Variants in RERE observed in about 807,000 individuals in gnomAD.
RERE encodes the protein arginine-glutamic acid dipeptide repeats protein.
In RERE, 40 loss-of-function variants were observed where a neutral mutation model predicts 146.1. The ratio of observed to expected loss-of-function variants is 0.27; its 90% CI spans 0.21 to 0.36. The LOEUF (loss-of-function observed/expected upper bound fraction) is 0.36. Among genes scored for constraint, RERE ranks in the 10% least tolerant of loss-of-function variants. The pLI is 1.00. For synonymous variants in RERE, 1,003 were observed against 866.0 expected (o/e 1.16, Z -2.78); for missense variants, 1,933 against 2,138.7 (o/e 0.90, Z 1.90).
At chr1:8,611,284 A>G (rs1033193851) in intron 4 of RERE, among the ~76,000 whole-genome samples, 26 of 152,122 alleles carry the variant, frequency 1.7e-4, no homozygotes, top group Non-Finnish European at 3.7e-4. Flanking sequence ...TGAGAGGATC[A>G]CTTGAGGTCA....
chr1:8,540,834 C>T (rs1457308745), intron 7 of RERE, among the ~76,000 whole-genome samples: 1 of 152,124 alleles, frequency 6.6e-6, no homozygotes, highest in East Asian at 1.9e-4. Flanking sequence ...TCCAAAATTA[C>T]TTAGTCTTTT....
chr1:8,499,564 G>A (rs759634223), intron 8 of RERE, among the ~76,000 whole-genome samples: 2 of 152,222 alleles, frequency 1.3e-5, no homozygotes, highest in African/African-American at 2.4e-5. Flanking sequence ...TTATGTAAAA[G>A]TTTGTGGTTT....
At chr1:8,658,377 C>T (rs1638374293) in intron 1 of RERE, among the ~76,000 whole-genome samples, 1 of 152,150 alleles carries the variant, frequency 6.6e-6, no homozygotes, top group African/African-American at 2.4e-5. Context: ...GGAAACAGTG[C>T]ATATAAACAA....
intron 7 of RERE, among the ~76,000 whole-genome samples, chr1:8,513,636 C>T (rs112158295): frequency 1.8e-4 from 27 of 152,030 alleles, no homozygotes; most frequent in Non-Finnish European, 3.1e-4. Context: ...AAAAATTAGC[C>T]GGGTGTGGTG....
intron 7 of RERE, among the ~76,000 whole-genome samples, chr1:8,540,234 C>G (rs909148959): frequency 1.3e-5 from 2 of 152,046 alleles, no homozygotes; most frequent in Non-Finnish European, 2.9e-5. Flanking sequence ...TACCTGGGAC[C>G]ACAGGTGCAG....
Position 8,607,534 on chromosome 1 carries a change from C to CTTTTTTTTTTTTTTTTTTTTTTTTTTTTT in RERE, c.522+6998_522+7026dup, listed in dbSNP as rs1167501074. Among the ~76,000 whole-genome samples, 16 of 48,586 alleles carry CTTTTTTTTTTTTTTTTTTTTTTTTTTTTT rather than the reference C, an allele frequency of 3.3e-4. 5 individuals carry two copies. The highest frequency in any genetic ancestry group is 3.8e-4 in the Non-Finnish European group (11 of 28,764). 31.9% of individuals were successfully genotyped at this position (48,586 alleles called of 152,430 possible). ...CGCATATTTGTTTTTATATATATTT[C>CTTTTTTTTTTTTTTTTTTTTTTTTTTTTT]TTTTTTTTTTTTTTTTTTTTTTTTT... On this transcript the variant is annotated intron_variant, in intron 4 of 22. Coordinates refer to ENST00000400908, the MANE Select transcript of RERE (RefSeq NM_001042681.2).
intron 4 of RERE, among the ~76,000 whole-genome samples, chr1:8,608,495 C>A (rs1022441914): frequency 6.6e-6 from 1 of 152,016 alleles, no homozygotes; most frequent in Non-Finnish European, 1.5e-5. Context: ...CAGAGTGAGA[C>A]CCTGTCTGTA....
intron 11 of RERE, among the ~76,000 whole-genome samples, chr1:8,459,624 T>C (rs544084590): frequency 9.2e-5 from 14 of 152,302 alleles, no homozygotes; most frequent in Admixed American, 2.0e-4. Flanking sequence ...CATACGTAAG[T>C]TGACAATGAC....
intron 4 of RERE, among the ~76,000 whole-genome samples, chr1:8,578,115 G>C (rs1228245917): frequency 6.6e-6 from 1 of 152,000 alleles, no homozygotes; most frequent in African/African-American, 2.4e-5. Flanking sequence ...AAGGGCGGGG[G>C]GGAGAGGAAA....
intron 1 of RERE, among the ~76,000 whole-genome samples, chr1:8,775,513 G>A (rs1490074849): frequency 1.3e-5 from 2 of 152,230 alleles, no homozygotes; most frequent in Non-Finnish European, 2.9e-5. Flanking sequence ...GGGCCCAGAA[G>A]GTAGAGGCTG....
Position 8,730,480 on chromosome 1 carries a change from T to C in RERE, c.-144-74039A>G, listed in dbSNP as rs551191963. On this transcript the variant is annotated intron_variant, in intron 1 of 22. Transcript: ENST00000400908. ...ACCTCAGCCTCCCAAGTAGCTGGGA[T>C]TACAGGCATGCGTCCCCACACCCAG... Among the ~76,000 whole-genome samples, 43 of 152,200 alleles carry C rather than the reference T, an allele frequency of 2.8e-4. No homozygotes were observed. The South Asian group carries it at 8.9e-3, about 32-fold the overall frequency.
intron 1 of RERE, among the ~76,000 whole-genome samples, chr1:8,739,900 T>C (rs1300351047): frequency 6.6e-6 from 1 of 151,302 alleles, no homozygotes; most frequent in Non-Finnish European, 1.5e-5. Flanking sequence ...ATAGTGTTAA[T>C]CCCCCCGTCC....
intron 1 of RERE, among the ~76,000 whole-genome samples, chr1:8,680,219 C>T (rs1338222900): frequency 6.6e-6 from 1 of 151,956 alleles, no homozygotes; most frequent in African/African-American, 2.4e-5. Flanking sequence ...TTGGTTATTA[C>T]TTCACTAAAA....
intron 1 of RERE, among the ~76,000 whole-genome samples, chr1:8,752,184 A>C (rs1640551554): frequency 6.6e-6 from 1 of 152,046 alleles, no homozygotes; most frequent in Non-Finnish European, 1.5e-5. Flanking sequence ...TATACACCAC[A>C]TGCTGCTACT....
intron 12 of RERE, among the ~76,000 whole-genome samples, chr1:8,406,800 A>G (rs1643454970): frequency 2.0e-5 from 1 of 50,660 alleles, no homozygotes. Flanking sequence ...TAGTCCAGTG[A>G]GGATCTTAAA....
chr1:8,422,911 T>C, intron 11 of RERE, 104 bp from the exon 12 acceptor site: 4 of 867,976 alleles, frequency 4.6e-6, no homozygotes, highest in East Asian at 2.5e-5. Context: ...ACAAAAAAAG[T>C]CTCGGCTAGG....
At chr1:8,603,211 C>T (rs1291997854) in intron 4 of RERE, among the ~76,000 whole-genome samples, 1 of 152,240 alleles carries the variant, frequency 6.6e-6, no homozygotes, top group Non-Finnish European at 1.5e-5. Flanking sequence ...TCTAAGTTTA[C>T]ATATAACTAA....
chr1:8,564,832 A>ATGTGTGTG (rs567556868), intron 4 of RERE, among the ~76,000 whole-genome samples: 95 of 139,090 alleles, frequency 6.8e-4, no homozygotes, highest in African/African-American at 2.0e-3. Flanking sequence ...GTATATGTGT[A>ATGTGTGTG]TGTGTGTGTG....
intron 11 of RERE, among the ~76,000 whole-genome samples, chr1:8,444,185 G>A (rs569748381): frequency 5.3e-5 from 8 of 152,316 alleles, no homozygotes; most frequent in African/African-American, 1.9e-4. Context: ...AAGACCTTGG[G>A]AGCCTGCCCC....
Sources: gnomAD v4.1 joint callset for allele counts (sites outside exome capture counted in the v4.1 genomes callset) on GRCh38, gnomAD v4.1.1 for gene constraint, MANE v1.5 for transcripts, NCBI Gene and HGNC (gene_info 2026-07-23, HGNC 2026-07-21) for gene names.